The following PCGF6 variants were observed in gnomAD, a reference collection of about 807,000 sequenced individuals.
The protein encoded by PCGF6 is polycomb group RING finger protein 6.
Under a neutral mutation model 45.5 loss-of-function variants are expected in PCGF6, and 24 were observed. That is an observed-to-expected ratio of 0.53 (90% CI 0.38 to 0.74). The LOEUF is 0.74. Among genes scored for constraint, PCGF6 ranks in the 30% least tolerant of loss-of-function variants. The pLI, the probability that PCGF6 is intolerant of heterozygous loss-of-function variation, is 0.00. For synonymous variants in PCGF6, 152 were observed against 162.1 expected (o/e 0.94, Z 0.47); for missense variants, 356 against 443.2 (o/e 0.80, Z 1.77).
At chr10:103,317,912 C>T (rs1464122391) in intron 8 of PCGF6, among the ~76,000 whole-genome samples, 1 of 151,524 alleles carries the variant, frequency 6.6e-6, no homozygotes, top group East Asian at 2.0e-4. Flanking sequence ...GCATGCATCA[C>T]CACGCATGGC....
intron 6 of PCGF6, among the ~76,000 whole-genome samples, chr10:103,339,385 G>A (rs897105974): frequency 6.6e-6 from 1 of 151,286 alleles, no homozygotes; most frequent in African/African-American, 2.4e-5. Context: ...GCAAGACCCT[G>A]TCTCAAGGAG....
At chr10:103,313,564 CA>C (rs1397903511) in intron 9 of PCGF6, among the ~76,000 whole-genome samples, 3 of 150,810 alleles carry the variant, frequency 2.0e-5, no homozygotes, top group Non-Finnish European at 2.9e-5. Flanking sequence ...GACCTTGTCT[CA>C]AAAAAATGAA....
Position 103,348,956 on chromosome 10 carries a change from G to C in PCGF6, c.404C>G (p.Ser135Cys), listed in dbSNP as rs1322542794. Residue 135 changes from serine to cysteine, a missense_variant, in exon 2 of 10, where the codon TCC becomes TGC. Coordinates refer to ENST00000369847, the MANE Select transcript of PCGF6 (RefSeq NM_001011663.2). The stretch of plus-strand genomic sequence containing the variant: ...ATCTATTAAGTAACCTTTGCAAATG[G>C]AACACAAGATGTATGGGGTCAGCTC... ...LSELTPYILC[S>C]ICKGYLIDAT... 1 of 1,613,952 alleles carries C rather than the reference G, an allele frequency of 6.2e-7. No individual in the cohort carries two copies. The highest frequency in any genetic ancestry group is 8.5e-7 in the Non-Finnish European group (1 of 1,179,846).
chr10:103,328,815 G>T (rs1326621748), intron 7 of PCGF6, among the ~76,000 whole-genome samples: 1 of 142,374 alleles, frequency 7.0e-6, no homozygotes, highest in Admixed American at 7.0e-5. Context: ...GCAGTGGAGC[G>T]ATCGTGGCTC....
At chr10:103,340,492 C>CA (rs1380744679) in intron 6 of PCGF6, among the ~76,000 whole-genome samples, 2 of 152,046 alleles carry the variant, frequency 1.3e-5, no homozygotes, top group Non-Finnish European at 2.9e-5. Context: ...ACACCCATCA[C>CA]ACGTTTACCA....
rs538616998 is a variant in PCGF6 at position 103,327,012 on chromosome 10, C to T, written c.811-380G>A. ...TGTCTGAAACAACTTTGAGGCCGGG[C>T]ATGGTGGCTCACGCCTGCAATCCCA... On this transcript the variant is annotated intron_variant, in intron 7 of 9. Coordinates refer to ENST00000369847, the MANE Select transcript of PCGF6 (RefSeq NM_001011663.2). Among the ~76,000 whole-genome samples the T allele has an allele frequency of 9.2e-5, 14 of 152,274 alleles. No homozygotes were observed. The South Asian group carries it at 2.9e-3, about 32-fold the overall frequency.
rs1050941728 is a variant in PCGF6, at chr10:103,345,269, G to A, written c.674-137C>T. 1.1e-5 allele frequency: 7 copies of A among 642,654 alleles called. No individual in the cohort carries two copies. In the African/African-American group the frequency reaches 1.1e-4, roughly 10 times the overall value. 39.8% of individuals were successfully genotyped at this position (642,654 alleles called of 1,614,324 possible). On this transcript the variant is annotated intron_variant, in intron 5 of 9. Coordinates refer to ENST00000369847, the MANE Select transcript of PCGF6 (RefSeq NM_001011663.2). ...ACCACTCAATCTCCCTGTCTTTAATGACATTGGCTAATCTGTCAAAGCCAG... is the reference window on the plus strand; with the variant it reads ...ACCACTCAATCTCCCTGTCTTTAATAACATTGGCTAATCTGTCAAAGCCAG...
At chr10:103,327,964 T>C (rs963803650) in intron 7 of PCGF6, among the ~76,000 whole-genome samples, 2 of 151,856 alleles carry the variant, frequency 1.3e-5, no homozygotes, top group African/African-American at 4.8e-5. Context: ...TATGAGCCAC[T>C]GCGCCCAGCC....
At chr10:103,348,332 G>T (rs893484367) in intron 3 of PCGF6, 2 of 139,396 alleles carry the variant, frequency 1.4e-5, no homozygotes, top group Non-Finnish European at 1.5e-5. Flanking sequence ...GAGGTCAAGA[G>T]TTTTTTTGTT....
chr10:103,309,026 T>C (rs1044178580), intron 9 of PCGF6, among the ~76,000 whole-genome samples: 6 of 152,296 alleles, frequency 3.9e-5, no homozygotes, highest in Non-Finnish European at 5.9e-5. Context: ...CCATTGTATC[T>C]TGGAAGTAAC....
chr10:103,349,821 G>T (rs1043254593), intron 1 of PCGF6, among the ~76,000 whole-genome samples: 1 of 150,312 alleles, frequency 6.7e-6, no homozygotes. Flanking sequence ...AGTGGCTCAC[G>T]CCTGTAATCC....
intron 8 of PCGF6, among the ~76,000 whole-genome samples, chr10:103,323,457 C>T (rs995683534): frequency 7.9e-5 from 12 of 152,008 alleles, no homozygotes; most frequent in Non-Finnish European, 1.0e-4. Context: ...CCACCACGCC[C>T]GGCTGATTTT....
chr10:103,309,163 T>C (rs2093147839), intron 9 of PCGF6, among the ~76,000 whole-genome samples: 1 of 151,370 alleles, frequency 6.6e-6, no homozygotes, highest in African/African-American at 2.4e-5. Flanking sequence ...GAAATCATGA[T>C]TGTCTTTTGA....
chr10:103,340,600 A>T lies in PCGF6; in HGVS notation c.782+4424T>A, dbSNP rs907484995. Among the ~76,000 whole-genome samples the T allele has an allele frequency of 3.4e-5, 5 of 146,164 alleles. No homozygotes were observed. In the East Asian group the frequency reaches 5.9e-4, roughly 17 times the overall value. On this transcript the variant is annotated intron_variant, in intron 6 of 9. Transcript: ENST00000369847. ...GAAAGTGTTACATTTCCCCAAAATAATTTTTTTTTTTTTTGAGACAGGGTC... is the reference window on the plus strand; with the variant it reads ...GAAAGTGTTACATTTCCCCAAAATATTTTTTTTTTTTTTTGAGACAGGGTC...
chr10:103,335,578 G>A (rs778046260), intron 6 of PCGF6, among the ~76,000 whole-genome samples: 20 of 151,982 alleles, frequency 1.3e-4, no homozygotes, highest in Non-Finnish European at 2.4e-4. Flanking sequence ...GTTCAGGATG[G>A]CCTCGATCTC....
rs1592072194 is a variant in PCGF6 at position 103,338,013 on chromosome 10, G to A, written c.783-4061C>T. On this transcript the variant is annotated intron_variant, in intron 6 of 9. Coordinates refer to ENST00000369847, the MANE Select transcript of PCGF6 (RefSeq NM_001011663.2). Reference sequence around the variant, plus strand: ...CGGGAGGCGGAGCTTGCAGTGAGCCGAGATCCCGCCACTGCACTCCAGCCT... The same window carrying A: ...CGGGAGGCGGAGCTTGCAGTGAGCCAAGATCCCGCCACTGCACTCCAGCCT... Among the ~76,000 whole-genome samples, 2 of 115,564 alleles carry A rather than the reference G, an allele frequency of 1.7e-5. 1 individual carries two copies. The highest frequency in any genetic ancestry group is 6.5e-5 in the African/African-American group (2 of 30,850). 75.8% of individuals were successfully genotyped at this position (115,564 alleles called of 152,430 possible).
rs760271743 is a variant in PCGF6 at position 103,350,853 on chromosome 10, G to A, written c.214C>T (p.Arg72Cys). Residue 72 changes from arginine to cysteine, a missense_variant, in exon 1 of 10, where the codon CGC (arginine) becomes TGC (cysteine). Around this residue, in one of 2 missense-constraint regions of PCGF6, gnomAD observed 307 missense variants for 350.1 expected, o/e 0.88. Coordinates refer to ENST00000369847, the MANE Select transcript of PCGF6 (RefSeq NM_001011663.2). ...TCGTCCTCGAAGCGGCCTCTGAAGC[G>A]GCCCAGGCTGCGCTCCGGCTCCAGC... ...PELEPERSLG[R>C]FRGRFEDEDE... The A allele has an allele frequency of 2.8e-5, 43 of 1,541,656 alleles. No homozygotes were observed. Among genetic ancestry groups the A allele is most frequent in the Non-Finnish European group, 3.8e-5 (43 of 1,143,950 alleles).
intron 6 of PCGF6, 110 bp from the exon 7 acceptor site, chr10:103,334,062 A>G: frequency 1.4e-6 from 1 of 734,504 alleles, no homozygotes; most frequent in East Asian, 3.4e-5. Context: ...GTAATTCTAG[A>G]ACACAGTCAC....
intron 7 of PCGF6, among the ~76,000 whole-genome samples, chr10:103,332,882 A>G (rs555439876): frequency 1.3e-5 from 2 of 152,234 alleles, no homozygotes; most frequent in African/African-American, 4.8e-5. Context: ...TGGGAGGCCC[A>G]GGTGGGTGGG....
Sources: allele counts gnomAD v4.1 joint callset (sites outside exome capture counted in the v4.1 genomes callset), GRCh38; gene constraint gnomAD v4.1.1; regional missense constraint gnomAD v4.1.1; transcripts MANE v1.5; gene names NCBI Gene and HGNC (gene_info 2026-07-23, HGNC 2026-07-21).